The following F5 variants were observed in gnomAD, a reference collection of about 807,000 sequenced individuals.
The protein encoded by F5 is coagulation factor V.
F5 carries 138 observed loss-of-function variants against 216.4 expected under a neutral mutation model. That is an observed-to-expected ratio of 0.64 (90% CI 0.56 to 0.73). The LOEUF is 0.73. Among genes scored for constraint, F5 ranks in the 30% least tolerant of loss-of-function variants. F5 has a pLI of 0.00. For missense variants in F5, 2,403 were observed against 2,674.0 expected, an observed-to-expected ratio of 0.90 and a Z score of 2.24; for synonymous variants, 916 against 930.7, an observed-to-expected ratio of 0.98 and a Z score of 0.29.
intron 2 of F5, among the ~76,000 whole-genome samples, chr1:169,573,208 A>C (rs1210915487): frequency 6.6e-6 from 1 of 152,162 alleles, no homozygotes; most frequent in Non-Finnish European, 1.5e-5. Flanking sequence ...TCAGCCTCCC[A>C]AAGTGCTGGG....
chr1:169,563,483 T>C (rs1052175326), intron 3 of F5, among the ~76,000 whole-genome samples: 7 of 152,130 alleles, frequency 4.6e-5, no homozygotes, highest in African/African-American at 1.7e-4. Context: ...CACAGTTCAC[T>C]GATGCTCTGT....
At chr1:169,583,426 G>A (rs1661032305) in intron 1 of F5, among the ~76,000 whole-genome samples, 1 of 152,176 alleles carries the variant, frequency 6.6e-6, no homozygotes, top group Non-Finnish European at 1.5e-5. Flanking sequence ...TATACAGCGC[G>A]GTGGCTAGGG....
chr1:169,527,315 C>T (rs1000489077), intron 17 of F5, among the ~76,000 whole-genome samples: 1 of 152,190 alleles, frequency 6.6e-6, no homozygotes, highest in Non-Finnish European at 1.5e-5. Flanking sequence ...TTACAAACAA[C>T]TCATTGGCAC....
chr1:169,529,931 T>C, intron 15 of F5, 113 bp from the exon 16 acceptor site: 4 of 839,494 alleles, frequency 4.8e-6, no homozygotes, highest in Admixed American at 1.9e-5. Flanking sequence ...AATTTGAAGA[T>C]GAAGATTATA....
At chr1:169,570,183 A>G (rs1013353549) in intron 3 of F5, among the ~76,000 whole-genome samples, 1 of 152,090 alleles carries the variant, frequency 6.6e-6, no homozygotes, top group African/African-American at 2.4e-5. Context: ...ATTTTAAGCA[A>G]TTGCTCATAA....
intron 2 of F5, among the ~76,000 whole-genome samples, chr1:169,580,609 C>T (rs1022691532): frequency 6.6e-6 from 1 of 152,054 alleles, no homozygotes; most frequent in Admixed American, 6.6e-5. Context: ...GTCTGGAACT[C>T]CTGACCTCAA....
intron 13 of F5, 65 bp downstream of exon 13, chr1:169,540,229 G>C: frequency 1.3e-6 from 2 of 1,550,922 alleles, no homozygotes; most frequent in Non-Finnish European, 1.8e-6. Context: ...CCCCTGAATT[G>C]TAGTAGCTAC....
In F5 at chr1:169,576,327, T is replaced by C. The variant is rs75654089; in HGVS notation, c.251-3984A>G. Among the ~76,000 whole-genome samples, 1,228 of 152,326 alleles carry C rather than the reference T, an allele frequency of 8.1e-3. 18 individuals carry two copies. Among genetic ancestry groups the C allele is most frequent in the African/African-American group, 0.028 (1,160 of 41,576 alleles). The stretch of plus-strand genomic sequence containing the variant: ...TGTCTTGCCACCCACGGTTGTCCTA[T>C]TCCTTTCCTTGAACTCCTACTCCTG... On this transcript the variant is annotated intron_variant, in intron 2 of 24. Coordinates refer to ENST00000367797, the MANE Select transcript of F5 (RefSeq NM_000130.5).
At chr1:169,553,800 A>G (rs1033985917) in intron 7 of F5, among the ~76,000 whole-genome samples, 7 of 152,160 alleles carry the variant, frequency 4.6e-5, no homozygotes, top group Non-Finnish European at 1.0e-4. Flanking sequence ...AAGAAAGAAG[A>G]GATGCTGGCA....
chr1:169,517,546 A>G (rs1196992564), intron 23 of F5, among the ~76,000 whole-genome samples: 2 of 152,184 alleles, frequency 1.3e-5, no homozygotes, highest in Admixed American at 1.3e-4. Context: ...ATTTGGATTT[A>G]GTTGGCTGAA....
intron 4 of F5, among the ~76,000 whole-genome samples, chr1:169,560,133 G>A (rs910679714): frequency 2.0e-5 from 3 of 152,144 alleles, no homozygotes; most frequent in African/African-American, 4.8e-5. Flanking sequence ...GGCATTTCAC[G>A]TGTTTATAGA....
At position 169,530,754 on chromosome 1, in the gene F5, G is replaced by A. The variant is rs1183572582; in HGVS notation, c.5208+32C>T. 1.9e-6 allele frequency: 3 copies of A among 1,575,164 alleles called. No homozygotes were observed. In the South Asian group the frequency reaches 3.3e-5, roughly 17 times the overall value. On this transcript the variant is annotated intron_variant, in intron 15 of 24. Transcript: ENST00000367797. Reference sequence around the variant, plus strand: ...TGGACTTCAGATTACGAGGTTAGGGGAATGAGAAAAACTTTCAATGAAAGT... The same window carrying A: ...TGGACTTCAGATTACGAGGTTAGGGAAATGAGAAAAACTTTCAATGAAAGT...
chr1:169,558,707 C>T (rs7548857), intron 5 of F5, among the ~76,000 whole-genome samples: 90,667 of 152,042 alleles, frequency 0.6, 28,467 homozygotes, highest in East Asian at 0.87. Flanking sequence ...CTAGATGCCA[C>T]TGAATATTAC....
At chr1:169,586,003 C>G (rs1308151394) in intron 1 of F5, among the ~76,000 whole-genome samples, 1 of 152,064 alleles carries the variant, frequency 6.6e-6, no homozygotes, top group East Asian at 1.9e-4. Context: ...AGCATCTAAC[C>G]AATCAAATAG....
chr1:169,540,596 G>A lies in F5; in HGVS notation c.4494C>T (p.Leu1498=). 3 of 1,614,020 alleles carry A rather than the reference G, an allele frequency of 1.9e-6. No individual in the cohort carries two copies. The highest frequency in any genetic ancestry group is 2.5e-6 in the Non-Finnish European group (3 of 1,179,988). ...GQMPSPSSPT[L]NDTFLSKEFN... The stretch of plus-strand genomic sequence containing the variant: ...ATTCCTTTGATAGAAAAGTATCATT[G>A]AGAGTAGGAGATGAAGGAGATGGCA... Residue 1498 remains leucine, a synonymous_variant, in exon 13 of 25, where the codon CTC becomes CTT. Coordinates refer to ENST00000367797, the MANE Select transcript of F5 (RefSeq NM_000130.5).
rs772807163 is a variant in F5, at chr1:169,559,301, G to A, written c.587-5C>T. The A allele has an allele frequency of 3.7e-6, 6 of 1,613,316 alleles. No homozygotes were observed. Among genetic ancestry groups the A allele is most frequent in the Admixed American group, 1.7e-5 (1 of 59,940 alleles). On this transcript the variant is annotated splice_region_variant and splice_polypyrimidine_tract_variant and intron_variant, in intron 4 of 24. Coordinates refer to ENST00000367797, the MANE Select transcript of F5 (RefSeq NM_000130.5). ...TCCCACCCTCAGTTAGGGTCCCTATGAAAGGAAAGACATGTTTTCAGTAGC... is the reference window on the plus strand; with the variant it reads ...TCCCACCCTCAGTTAGGGTCCCTATAAAAGGAAAGACATGTTTTCAGTAGC...
chr1:169,549,567 G>A (rs1304051302), intron 10 of F5, among the ~76,000 whole-genome samples: 1 of 142,812 alleles, frequency 7.0e-6, no homozygotes, highest in African/African-American at 2.5e-5. Flanking sequence ...TTGAAACTAA[G>A]ACAAAATATG....
chr1:169,544,148 GA>G (rs113333121), intron 12 of F5, 147 bp downstream of exon 12: 15 of 707,766 alleles, frequency 2.1e-5, no homozygotes, highest in African/African-American at 1.9e-4. Flanking sequence ...TTCTCAAAGA[GA>G]AATCATGAGA....
chr1:169,539,456 C>T (rs979810294), intron 13 of F5, among the ~76,000 whole-genome samples: 6 of 138,366 alleles, frequency 4.3e-5, no homozygotes, highest in African/African-American at 1.5e-4. Context: ...CTTAGAAATA[C>T]TCAGGTAGCT....
Sources: gnomAD v4.1 joint callset for allele counts (sites outside exome capture counted in the v4.1 genomes callset) on GRCh38, gnomAD v4.1.1 for gene constraint, MANE v1.5 for transcripts, NCBI Gene and HGNC (gene_info 2026-07-23, HGNC 2026-07-21) for gene names.